The following PCCB variants were observed in gnomAD, a reference collection of about 807,000 sequenced individuals.
PCCB encodes propionyl-CoA carboxylase subunit beta, also known as propionyl-CoA carboxylase beta chain, mitochondrial.
In PCCB, 43 loss-of-function variants were observed where a neutral mutation model predicts 60.7. The ratio of observed to expected loss-of-function variants is 0.71; its 90% confidence interval spans 0.55 to 0.91. PCCB has a LOEUF of 0.91. Among genes scored for constraint, PCCB ranks in the 40% least tolerant of loss-of-function variants. The pLI is 0.00. For synonymous variants in PCCB, 276 were observed against 255.9 expected, an observed-to-expected ratio of 1.08 and a Z score of -0.75; for missense variants, 766 against 702.8, an observed-to-expected ratio of 1.09 and a Z score of -1.02.
chr3:136,297,117 C>G (rs1933973845), intron 7 of PCCB, among the ~76,000 whole-genome samples: 1 of 152,052 alleles, frequency 6.6e-6, no homozygotes, highest in Non-Finnish European at 1.5e-5. Flanking sequence ...AGGAGCTGAG[C>G]AGATTTTAAG....
At chr3:136,268,957 T>G (rs981750243) in intron 5 of PCCB, among the ~76,000 whole-genome samples, 2 of 152,198 alleles carry the variant, frequency 1.3e-5, no homozygotes, top group Admixed American at 1.3e-4. Context: ...ATACCTGTCT[T>G]GCACTTCTTT....
intron 6 of PCCB, among the ~76,000 whole-genome samples, chr3:136,286,696 A>G (rs1411090254): frequency 6.6e-6 from 1 of 152,144 alleles, no homozygotes; most frequent in African/African-American, 2.4e-5. Flanking sequence ...ACTTTGATTC[A>G]AGCACATCAT....
intron 10 of PCCB, among the ~76,000 whole-genome samples, chr3:136,320,274 G>C (rs1291564053): frequency 1.3e-5 from 2 of 152,164 alleles, no homozygotes; most frequent in Admixed American, 6.5e-5. Flanking sequence ...TGAATCAGTA[G>C]ATTACTCTGA....
At chr3:136,300,880 G>A in intron 8 of PCCB, 150 bp from the exon 9 acceptor site, 1 of 698,460 alleles carries the variant, frequency 1.4e-6, no homozygotes, top group Non-Finnish European at 2.6e-6. Context: ...AAAAAGGAAT[G>A]ACTCTTTGGT....
chr3:136,260,078 T>A, intron 3 of PCCB: 1 of 276,172 alleles, frequency 3.6e-6, no homozygotes, highest in Non-Finnish European at 6.9e-6. Context: ...TTTTGTTTTG[T>A]TTTGTTTTGT....
At chr3:136,283,016 A>C (rs1942520811) in intron 5 of PCCB, among the ~76,000 whole-genome samples, 1 of 152,200 alleles carries the variant, frequency 6.6e-6, no homozygotes, top group Non-Finnish European at 1.5e-5. Flanking sequence ...CACAGCTGGA[A>C]GTCTCCCCTA....
rs757556772 is a variant in PCCB at position 136,327,669 on chromosome 3, G to C, written c.1335G>C (p.Lys445Asn). The change falls in exon 13 of 15, where the codon AAG becomes AAC. Residue 445 changes from lysine to asparagine, a missense_variant. Lys to Asn is a moderately conservative substitution (Grantham distance 94, BLOSUM62 0). Transcript: ENST00000251654. The stretch of plus-strand genomic sequence containing the variant: ...GTGCCTATGATGTCATGAGCTCTAA[G>C]CACCTTTGTGGTGATACCAACTATG... Reference protein sequence around the residue: ...YGGAYDVMSSKHLCGDTNYAW... With the variant: ...YGGAYDVMSSNHLCGDTNYAW... The C allele has an allele frequency of 6.2e-7, 1 of 1,614,072 alleles. No individual in the cohort carries two copies. Among genetic ancestry groups the C allele is most frequent in the South Asian group, 1.1e-5 (1 of 91,068 alleles).
At chr3:136,277,023 G>C (rs1004976552) in intron 5 of PCCB, among the ~76,000 whole-genome samples, 1 of 152,282 alleles carries the variant, frequency 6.6e-6, no homozygotes, top group East Asian at 1.9e-4. Context: ...CTCCAGGCTG[G>C]TGCTGGGGAA....
chr3:136,266,124 A>G (rs28812220), intron 5 of PCCB, among the ~76,000 whole-genome samples: 55,540 of 141,322 alleles, frequency 0.39, 11,420 homozygotes, highest in African/African-American at 0.57. Flanking sequence ...CACCATGCCC[A>G]GCCTTGGTTT....
chr3:136,301,208 C>T (rs1239317921), intron 9 of PCCB, 97 bp downstream of exon 9: 1 of 915,910 alleles, frequency 1.1e-6, no homozygotes, highest in Non-Finnish European at 1.8e-6. Context: ...CACTTGGCCT[C>T]CATGTCAGAC....
intron 1 of PCCB, chr3:136,252,461 G>A (rs1487845483): frequency 2.7e-6 from 1 of 374,982 alleles, no homozygotes. Context: ...TGGCCAGGCT[G>A]GTCTTGAACT....
At chr3:136,289,059 TATTGTC>T (rs1933557259) in intron 6 of PCCB, among the ~76,000 whole-genome samples, 1 of 152,154 alleles carries the variant, frequency 6.6e-6, no homozygotes, top group Non-Finnish European at 1.5e-5. Context: ...GGTCTTGCCA[TATTGTC>T]ATAGGCTGGT....
rs1233276940 is a variant in PCCB at position 136,328,805 on chromosome 3, T to C, written c.1446T>C (p.Ala482=). The C allele has an allele frequency of 6.2e-7, 1 of 1,614,206 alleles. No individual in the cohort carries two copies. ...IFKGHENVEA[A]QAEYIEKFAN... is the part of the protein sequence containing the mutation. ...AAGGGCATGAGAATGTGGAAGCTGC[T>C]CAGGCAGAGTACATCGAGAAGTTTG... The change falls in exon 14 of 15, where the codon GCT becomes GCC. Residue 482 remains alanine (A), a synonymous_variant. Transcript: ENST00000251654.
At chr3:136,268,928 A>G (rs188656717) in intron 5 of PCCB, among the ~76,000 whole-genome samples, 1 of 152,296 alleles carries the variant, frequency 6.6e-6, no homozygotes, top group Non-Finnish European at 1.5e-5. Context: ...TGTCTCAGCA[A>G]TATTTTGTAA....
intron 5 of PCCB, among the ~76,000 whole-genome samples, chr3:136,269,941 T>G (rs1029993921): frequency 6.7e-6 from 1 of 149,418 alleles, no homozygotes; most frequent in African/African-American, 2.4e-5. Context: ...TTCCTAATCT[T>G]AAGGAGAAAG....
chr3:136,299,475 CAT>C (rs1934106892), intron 8 of PCCB, among the ~76,000 whole-genome samples: 1 of 148,814 alleles, frequency 6.7e-6, no homozygotes, highest in African/African-American at 2.5e-5. Context: ...TATAGGTATG[CAT>C]GTGTATGTAT....
chr3:136,325,725 A>G (rs945324057), intron 10 of PCCB, among the ~76,000 whole-genome samples: 1 of 152,078 alleles, frequency 6.6e-6, no homozygotes, highest in African/African-American at 2.4e-5. Context: ...AGATGTTCAT[A>G]TAGTTTTTTT....
At chr3:136,251,544 G>A (rs1941516052) in intron 1 of PCCB, among the ~76,000 whole-genome samples, 2 of 152,152 alleles carry the variant, frequency 1.3e-5, no homozygotes, top group Admixed American at 1.3e-4. Context: ...CATTTGACAA[G>A]GGTCCAAAGG....
At chr3:136,257,016 C>T (rs1941688632) in intron 3 of PCCB, among the ~76,000 whole-genome samples, 1 of 152,172 alleles carries the variant, frequency 6.6e-6, no homozygotes, top group African/African-American at 2.4e-5. Flanking sequence ...CAGAGTCCCC[C>T]TGAGCTTTGG....
Sources: gnomAD v4.1 joint callset for allele counts (sites outside exome capture counted in the v4.1 genomes callset) on GRCh38, gnomAD v4.1.1 for gene constraint, MANE v1.5 for transcripts, NCBI Gene and HGNC (gene_info 2026-07-23, HGNC 2026-07-21) for gene names.